The following ZNF215 variants were observed in gnomAD, a reference collection of about 807,000 sequenced individuals.
ZNF215 encodes the protein zinc finger protein 215, also known as BWSCR2-associated zinc finger protein 2.
Under a neutral mutation model 27.2 loss-of-function variants are expected in ZNF215, and 24 were observed. That is an observed-to-expected ratio of 0.88 (90% confidence interval 0.64 to 1.24). ZNF215 has a LOEUF of 1.24. ZNF215 is among the 50% of genes most tolerant of loss of function. The pLI, the probability that ZNF215 is intolerant of heterozygous loss-of-function variation, is 0.00. For missense variants in ZNF215, 675 were observed against 605.7 expected (o/e 1.11, Z -1.20); for synonymous variants, 210 against 204.0 (o/e 1.03, Z -0.25).
intron 6 of ZNF215, among the ~76,000 whole-genome samples, chr11:6,949,811 C>T (rs1221045765): frequency 6.6e-6 from 1 of 152,146 alleles, no homozygotes; most frequent in Non-Finnish European, 1.5e-5. Flanking sequence ...CTTGCCCACG[C>T]CTATGTCCTG....
At chr11:6,986,136 A>G (rs1432909713), downstream of ZNF215, among the ~76,000 whole-genome samples, 3 of 152,144 alleles carry the variant, frequency 2.0e-5, no homozygotes, top group East Asian at 3.8e-4. Flanking sequence ...ATATACTACA[A>G]TGCTACAGTA....
downstream of ZNF215, among the ~76,000 whole-genome samples, chr11:6,985,182 C>G (rs1374845052): frequency 6.6e-6 from 1 of 152,014 alleles, no homozygotes; most frequent in Non-Finnish European, 1.5e-5. Context: ...CAGCAGCACA[C>G]CAAAAAGATA....
intron 6 of ZNF215, 38 bp from the exon 7 acceptor site, chr11:6,955,652 T>G: frequency 6.6e-7 from 1 of 1,522,024 alleles, no homozygotes; most frequent in Non-Finnish European, 8.8e-7. Flanking sequence ...TTGAAGCAGT[T>G]TCCCTTCTAG....
At chr11:6,949,418 C>G (rs1228821916) in intron 6 of ZNF215, among the ~76,000 whole-genome samples, 4 of 152,028 alleles carry the variant, frequency 2.6e-5, no homozygotes, top group African/African-American at 9.6e-5. Flanking sequence ...CTGTTGTTTC[C>G]TGACTTTTTA....
At chr11:6,968,581 T>A (rs1054403108) in intron 5 of ZNF215, among the ~76,000 whole-genome samples, 1 of 151,916 alleles carries the variant, frequency 6.6e-6, no homozygotes, top group Admixed American at 6.6e-5. Context: ...AAATCAAATT[T>A]AAGCCTGGGC....
intron 5 of ZNF215, among the ~76,000 whole-genome samples, chr11:6,966,081 T>A (rs1334215727): frequency 6.6e-6 from 1 of 152,170 alleles, no homozygotes; most frequent in African/African-American, 2.4e-5. Flanking sequence ...TGAAATCTAT[T>A]TTTTAAGAGG....
chr11:6,973,678 G>A (rs369765311), intron 5 of ZNF215, among the ~76,000 whole-genome samples: 6 of 152,214 alleles, frequency 3.9e-5, no homozygotes, highest in East Asian at 1.9e-4. Context: ...TGTGTCTGTT[G>A]GCTGCATAAA....
At chr11:6,947,184 A>G (rs940605118) in intron 6 of ZNF215, among the ~76,000 whole-genome samples, 24 of 152,204 alleles carry the variant, frequency 1.6e-4, no homozygotes, top group Non-Finnish European at 2.1e-4. Flanking sequence ...ACTTTCATCT[A>G]TCTCCTCATC....
At chr11:6,943,743 T>C in intron 6 of ZNF215, 102 bp downstream of exon 6, 14 of 901,162 alleles carry the variant, frequency 1.6e-5, no homozygotes, top group Non-Finnish European at 2.3e-5. Flanking sequence ...GGGAAGGAGA[T>C]AGCAAAACCT....
chr11:6,929,835 T>G (rs187974582), intron 2 of ZNF215, among the ~76,000 whole-genome samples: 2 of 149,560 alleles, frequency 1.3e-5, no homozygotes, highest in Non-Finnish European at 1.5e-5. Context: ...GAGCCCATAC[T>G]CAAGGGGTGG....
intron 3 of ZNF215, among the ~76,000 whole-genome samples, chr11:6,935,497 A>G (rs1319774913): frequency 6.6e-6 from 1 of 152,216 alleles, no homozygotes; most frequent in South Asian, 2.1e-4. Context: ...ATAACATAGC[A>G]TATAGAGTTT....
At chr11:6,938,995 A>T (rs560405697) in intron 3 of ZNF215, among the ~76,000 whole-genome samples, 2 of 152,174 alleles carry the variant, frequency 1.3e-5, no homozygotes, top group Non-Finnish European at 2.9e-5. Context: ...TAAAGAATCA[A>T]TGTAGTGTAA....
At chr11:6,937,024 C>T (rs1849459276) in intron 3 of ZNF215, among the ~76,000 whole-genome samples, 1 of 151,806 alleles carries the variant, frequency 6.6e-6, no homozygotes, top group Admixed American at 6.6e-5. Context: ...AGGAACAAGA[C>T]AAGAATGTCC....
chr11:6,946,464 G>C (rs1161498282), intron 6 of ZNF215, among the ~76,000 whole-genome samples: 1 of 152,078 alleles, frequency 6.6e-6, no homozygotes, highest in Admixed American at 6.6e-5. Flanking sequence ...TGTGTCCTAA[G>C]CACTCTCACA....
At position 6,977,941 on chromosome 11, in the gene ZNF215, A is replaced by C. The variant is rs75016224; in HGVS notation, c.806-6188A>C. Among the ~76,000 whole-genome samples the C allele has an allele frequency of 4.3e-3, 661 of 152,174 alleles. 3 individuals are homozygous for C. Among genetic ancestry groups the C allele is most frequent in the African/African-American group, 0.013 (536 of 41,546 alleles). ...AACATGAACTTTGAGGGACACATCT[A>C]AGTCACAGCAAAAGGAAACTATAAA... On this transcript the variant is annotated intron_variant, in intron 5 of 5. Coordinates refer to the ZNF215 transcript ENST00000529903.
intron 4 of ZNF215, 53 bp downstream of exon 4, chr11:6,941,706 C>T: frequency 5.7e-6 from 9 of 1,574,502 alleles, no homozygotes; most frequent in Non-Finnish European, 7.8e-6. Flanking sequence ...TTTAGTATTA[C>T]CTGCTTTCAA....
intron 2 of ZNF215, among the ~76,000 whole-genome samples, chr11:6,928,540 A>G (rs1382559554): frequency 2.0e-5 from 3 of 151,998 alleles, no homozygotes; most frequent in Non-Finnish European, 4.4e-5. Flanking sequence ...TTTGCCTGGT[A>G]TTTTTTAAAA....
intron 6 of ZNF215, among the ~76,000 whole-genome samples, chr11:6,949,884 T>G (rs1849983644): frequency 6.6e-6 from 1 of 152,226 alleles, no homozygotes; most frequent in South Asian, 2.1e-4. Flanking sequence ...TTTAAGTCTT[T>G]AATCCATCTT....
intron 6 of ZNF215, among the ~76,000 whole-genome samples, chr11:6,946,215 A>G (rs942564001): frequency 7.9e-5 from 12 of 152,152 alleles, no homozygotes; most frequent in African/African-American, 1.9e-4. Flanking sequence ...TCTCAGCTCT[A>G]TTATTATTGC....
Sources: gnomAD v4.1 joint callset for allele counts (sites outside exome capture counted in the v4.1 genomes callset) on GRCh38, gnomAD v4.1.1 for gene constraint, MANE v1.5 for transcripts, NCBI Gene and HGNC (gene_info 2026-07-23, HGNC 2026-07-21) for gene names.